ERCC8: variants seen among roughly 807,000 people sequenced by gnomAD.
The protein encoded by ERCC8 is ERCC excision repair 8, CSA ubiquitin ligase complex subunit, also known as DNA excision repair protein ERCC-8.
Under a neutral mutation model 54.9 loss-of-function variants are expected in ERCC8, and 52 were observed. The ratio of observed to expected loss-of-function variants is 0.95; its 90% CI spans 0.76 to 1.19. The LOEUF (loss-of-function observed/expected upper bound fraction) is 1.19, where lower values mean the gene tolerates loss of function less well. Among genes scored for constraint, ERCC8 ranks in the 50% most tolerant of loss-of-function variants. The pLI is 0.00. For synonymous variants in ERCC8, 146 were observed against 157.2 expected (o/e 0.93, Z 0.53); for missense variants, 514 against 466.1 (o/e 1.10, Z -0.95).
Position 60,874,601 on chromosome 5 carries a change from A to G in ERCC8, c.*14T>C, listed in dbSNP as rs1404652161. ...AAAGTTTCAGCAGAGACAAAAAGGTACTAAAGATGATATTCATCCTTCTTC... is the reference window on the plus strand; with the variant it reads ...AAAGTTTCAGCAGAGACAAAAAGGTGCTAAAGATGATATTCATCCTTCTTC... On this transcript the variant is annotated 3_prime_UTR_variant, in exon 12 of 12. Coordinates refer to ENST00000676185, the MANE Select transcript of ERCC8 (RefSeq NM_000082.4). The G allele has an allele frequency of 5.6e-6, 9 of 1,611,706 alleles. No individual in the cohort carries two copies. Among genetic ancestry groups the G allele is most frequent in the Non-Finnish European group, 7.6e-6 (9 of 1,178,152 alleles).
chr5:60,935,856 G>C (rs139125021), intron 1 of ERCC8, among the ~76,000 whole-genome samples: 3 of 152,266 alleles, frequency 2.0e-5, no homozygotes, highest in African/African-American at 7.2e-5. Context: ...ACTTGCATAT[G>C]TTAAACCATC....
intron 7 of ERCC8, among the ~76,000 whole-genome samples, chr5:60,900,136 C>A (rs1339612194): frequency 2.6e-5 from 4 of 151,912 alleles, no homozygotes; most frequent in Admixed American, 2.6e-4. Flanking sequence ...GCTCAAGAAT[C>A]CATTTGGTAT....
At chr5:60,917,918 A>G (rs1281053353) in intron 4 of ERCC8, 1 of 225,190 alleles carries the variant, frequency 4.4e-6, no homozygotes, top group Non-Finnish European at 8.9e-6. Context: ...TTTTTCACAA[A>G]GGGATAATAA....
In ERCC8 at chr5:60,873,457, T is replaced by C. The variant is rs1747907472; in HGVS notation, c.*1158A>G. Among the ~76,000 whole-genome samples, 1 of 152,088 alleles carries C rather than the reference T, an allele frequency of 6.6e-6. No individual in the cohort carries two copies. Among genetic ancestry groups the C allele is most frequent in the Non-Finnish European group, 1.5e-5 (1 of 68,002 alleles). On this transcript the variant is annotated 3_prime_UTR_variant, in exon 12 of 12. Coordinates refer to ENST00000676185, the MANE Select transcript of ERCC8 (RefSeq NM_000082.4). ...TGAGAGGCCGAGGCGGGTGGATCAT[T>C]TGAGGTCAGCAGTTCGCAACCAGCC...
chr5:60,920,953 G>A (rs1203301956), intron 3 of ERCC8, among the ~76,000 whole-genome samples: 3 of 151,818 alleles, frequency 2.0e-5, no homozygotes, highest in Non-Finnish European at 4.4e-5. Flanking sequence ...TTGAGGGTGG[G>A]AAGAGAGTAT....
chr5:60,944,901 C>T (rs2112557069), intron 1 of ERCC8, 31 bp downstream of exon 1: 10 of 1,520,960 alleles, frequency 6.6e-6, no homozygotes, highest in East Asian at 4.5e-5. Flanking sequence ...TTCTAACTGG[C>T]CTGTTAGCCA....
chr5:60,892,202 T>C (rs1211947892), intron 9 of ERCC8: 2 of 529,998 alleles, frequency 3.8e-6, no homozygotes, highest in Non-Finnish European at 7.6e-6. Flanking sequence ...ACGATTCGGA[T>C]TGGTGCAATA....
At chr5:60,930,275 C>T (rs1452562464) in intron 1 of ERCC8, among the ~76,000 whole-genome samples, 1 of 152,066 alleles carries the variant, frequency 6.6e-6, no homozygotes, top group East Asian at 1.9e-4. Context: ...ACTAAAAATA[C>T]AAAAATTAGG....
At chr5:60,932,405 T>C (rs980982126) in intron 1 of ERCC8, among the ~76,000 whole-genome samples, 1 of 152,184 alleles carries the variant, frequency 6.6e-6, no homozygotes, top group Non-Finnish European at 1.5e-5. Context: ...TTATGATGAA[T>C]ACCTGCTCTA....
intron 9 of ERCC8, among the ~76,000 whole-genome samples, chr5:60,894,946 G>A (rs947535647): frequency 2.6e-5 from 4 of 151,968 alleles, no homozygotes; most frequent in African/African-American, 4.8e-5. Flanking sequence ...CGAGGCAGGC[G>A]GATCACAAGA....
At chr5:60,888,530 G>C (rs1748461768) in intron 10 of ERCC8, among the ~76,000 whole-genome samples, 1 of 152,094 alleles carries the variant, frequency 6.6e-6, no homozygotes, top group Non-Finnish European at 1.5e-5. Flanking sequence ...AGACATAAAG[G>C]AAATTCTGTA....
chr5:60,903,536 C>A (rs4647102), intron 6 of ERCC8, 112 bp downstream of exon 6: 3 of 1,541,936 alleles, frequency 1.9e-6, no homozygotes, highest in Non-Finnish European at 1.8e-6. Context: ...TCTCAACAAC[C>A]AGCACAAAGT....
At chr5:60,908,114 T>C (rs879756553) in intron 4 of ERCC8, among the ~76,000 whole-genome samples, 1 of 152,178 alleles carries the variant, frequency 6.6e-6, no homozygotes, top group Non-Finnish European at 1.5e-5. Flanking sequence ...TATCTTTGTC[T>C]TCATGGTCTT....
intron 11 of ERCC8, among the ~76,000 whole-genome samples, chr5:60,875,562 A>G (rs1230420237): frequency 1.3e-5 from 2 of 152,236 alleles, no homozygotes; most frequent in Admixed American, 6.5e-5. Flanking sequence ...ATTGGGTATT[A>G]TGAGCCAGGT....
chr5:60,883,492 G>T (rs1054171365), intron 11 of ERCC8, among the ~76,000 whole-genome samples: 1 of 152,128 alleles, frequency 6.6e-6, no homozygotes, highest in Non-Finnish European at 1.5e-5. Flanking sequence ...GACAGATAGT[G>T]TCAATGTTAT....
intron 1 of ERCC8, among the ~76,000 whole-genome samples, chr5:60,938,802 A>G (rs1440383426): frequency 6.6e-6 from 1 of 152,160 alleles, no homozygotes; most frequent in Non-Finnish European, 1.5e-5. Flanking sequence ...CTCCATATAT[A>G]TGTAGCTTTA....
At chr5:60,903,443 T>C in intron 6 of ERCC8, 4 of 766,466 alleles carry the variant, frequency 5.2e-6, no homozygotes, top group Non-Finnish European at 7.9e-6. Context: ...GCTTCCCCAA[T>C]GATCATTGTT....
chr5:60,942,669 A>G (rs889078312), intron 1 of ERCC8, among the ~76,000 whole-genome samples: 1 of 152,206 alleles, frequency 6.6e-6, no homozygotes, highest in African/African-American at 2.4e-5. Context: ...GGGATTATAA[A>G]TGACCGTCAA....
Position 60,870,482 on chromosome 5 carries a change from TAAA to T in ERCC8, c.*4130_*4132del, listed in dbSNP as rs57423118. Among the ~76,000 whole-genome samples the T allele has an allele frequency of 6.1e-5, 3 of 48,788 alleles. No individual in the cohort carries two copies. The highest frequency in any genetic ancestry group is 9.9e-5 in the African/African-American group (1 of 10,060). The allele number at this position is 48,788 out of a possible 152,430, so 32.0% of individuals were successfully genotyped here. ...CAACATGGTGAAACCCCACCTCTGC[TAAA>T]AAAAAAAAAAAAAAAAAAAAAAAAA... is the stretch of plus-strand genomic sequence containing the variant. On this transcript the variant is annotated 3_prime_UTR_variant, in exon 12 of 12. Coordinates refer to ENST00000676185, the MANE Select transcript of ERCC8 (RefSeq NM_000082.4).
Sources: gnomAD v4.1 joint callset for allele counts (sites outside exome capture counted in the v4.1 genomes callset) on GRCh38, gnomAD v4.1.1 for gene constraint, MANE v1.5 for transcripts, NCBI Gene and HGNC (gene_info 2026-07-23, HGNC 2026-07-21) for gene names.